PDE1C: variants seen among roughly 807,000 people sequenced by gnomAD.
PDE1C encodes phosphodiesterase 1C, also known as dual specificity calcium/calmodulin-dependent 3',5'-cyclic nucleotide phosphodiesterase 1C.
A neutral mutation model predicts 93.1 loss-of-function variants in PDE1C; 62 were observed. That is an observed-to-expected ratio of 0.67 (90% CI 0.54 to 0.82). PDE1C has a LOEUF of 0.82. Among genes scored for constraint, PDE1C ranks in the 40% least tolerant of loss-of-function variants. The probability of loss-of-function intolerance (pLI) is 0.00; values close to 1 mark genes in which losing one functional copy is unlikely to be tolerated. For synonymous variants in PDE1C, 325 were observed against 310.1 expected, an observed-to-expected ratio of 1.05 and a Z score of -0.50; for missense variants, 742 against 884.6, an observed-to-expected ratio of 0.84 and a Z score of 2.04.
intron 1 of PDE1C, among the ~76,000 whole-genome samples, chr7:32,420,116 TATATATATAC>T (rs1785367781): frequency 1.4e-4 from 4 of 29,588 alleles, no homozygotes; most frequent in African/African-American, 4.4e-4. Flanking sequence ...TATATATATA[TATATATATAC>T]ACACACACAC....
At chr7:31,710,138 GTC>G in the PDE1C span, among the ~76,000 whole-genome samples, 2 of 152,178 alleles carry the variant, frequency 1.3e-5, no homozygotes, top group African/African-American at 4.8e-5. Context: ...TACAGAGTGA[GTC>G]TCTATCTCAG....
chr7:31,977,638 C>T (rs1811836306), intron 2 of PDE1C, among the ~76,000 whole-genome samples: 1 of 152,190 alleles, frequency 6.6e-6, no homozygotes, highest in African/African-American at 2.4e-5. Context: ...ACACTAATCA[C>T]TACTATCATA....
At chr7:31,890,023 AAATCTTTCGTGAAGGT>A (rs1414531962) in intron 2 of PDE1C, among the ~76,000 whole-genome samples, 1 of 152,218 alleles carries the variant, frequency 6.6e-6, no homozygotes, top group Non-Finnish European at 1.5e-5. Flanking sequence ...TATGCTAAGA[AAATCTTTCGTGAAGGT>A]AAACATTCTC....
the PDE1C span, among the ~76,000 whole-genome samples, chr7:31,619,425 T>C: frequency 6.6e-6 from 1 of 152,228 alleles, no homozygotes; most frequent in Non-Finnish European, 1.5e-5. Context: ...CTATGTAACA[T>C]GTTCCTAACT....
intron 1 of PDE1C, among the ~76,000 whole-genome samples, chr7:32,212,637 T>C (rs1400789446): frequency 6.6e-6 from 1 of 152,144 alleles, no homozygotes; most frequent in African/African-American, 2.4e-5. Context: ...TCACACACTC[T>C]TCCTGCCTGG....
intron 3 of PDE1C, among the ~76,000 whole-genome samples, chr7:32,114,045 C>T (rs1360489754): frequency 2.0e-5 from 3 of 152,104 alleles, no homozygotes; most frequent in African/African-American, 2.4e-5. Context: ...GTGAAAATGG[C>T]CATACTATCC....
intron 1 of PDE1C, among the ~76,000 whole-genome samples, chr7:32,384,271 G>A (rs191382352): frequency 1.3e-5 from 2 of 152,306 alleles, no homozygotes; most frequent in East Asian, 3.9e-4. Context: ...TGGGGAGATG[G>A]ATATGAAAAT....
chr7:31,671,544 G>A, the PDE1C span, among the ~76,000 whole-genome samples: 3 of 152,106 alleles, frequency 2.0e-5, no homozygotes, highest in Non-Finnish European at 4.4e-5. Context: ...CTAGCTCTCA[G>A]CTGTCAGTCA....
At chr7:32,226,489 A>T (rs1329389335) in intron 1 of PDE1C, among the ~76,000 whole-genome samples, 2 of 152,190 alleles carry the variant, frequency 1.3e-5, no homozygotes, top group Non-Finnish European at 2.9e-5. Flanking sequence ...ACGGGTAATG[A>T]TTAGTATAAT....
At chr7:31,874,006 T>C (rs771882269) in intron 5 of PDE1C, among the ~76,000 whole-genome samples, 106 of 152,332 alleles carry the variant, frequency 7.0e-4, no homozygotes, top group Non-Finnish European at 1.2e-3. Flanking sequence ...ATGCATGATG[T>C]AGAACACAAA....
chr7:32,080,461 T>C (rs1796596539), intron 3 of PDE1C, among the ~76,000 whole-genome samples: 1 of 152,156 alleles, frequency 6.6e-6, no homozygotes, highest in Admixed American at 6.5e-5. Flanking sequence ...CAAACTTGAG[T>C]GTTCTACTAG....
At chr7:32,205,620 T>C (rs1338182631) in intron 2 of PDE1C, among the ~76,000 whole-genome samples, 1 of 152,116 alleles carries the variant, frequency 6.6e-6, no homozygotes, top group African/African-American at 2.4e-5. Context: ...GCCAACCCGT[T>C]TGGGTCTGCT....
chr7:31,940,097 A>G (rs1805617797), intron 2 of PDE1C, among the ~76,000 whole-genome samples: 1 of 152,184 alleles, frequency 6.6e-6, no homozygotes. Flanking sequence ...CCCCACCTGG[A>G]GAGACTGATT....
chr7:31,744,535 C>T, the PDE1C span, among the ~76,000 whole-genome samples: 1 of 152,126 alleles, frequency 6.6e-6, no homozygotes, highest in Non-Finnish European at 1.5e-5. Flanking sequence ...TGCTTGAGTA[C>T]ATCAAATTAA....
chr7:32,414,973 A>G (rs1785242987), intron 1 of PDE1C, among the ~76,000 whole-genome samples: 1 of 152,236 alleles, frequency 6.6e-6, no homozygotes. Flanking sequence ...AAATATTAAA[A>G]GGACACATGG....
chr7:32,004,976 T>C lies in PDE1C; in HGVS notation c.128+46578A>G, dbSNP rs1785997573. Among the ~76,000 whole-genome samples the C allele has an allele frequency of 2.0e-5, 3 of 152,340 alleles. No individual in the cohort carries two copies. The South Asian group carries it at 6.2e-4, about 32-fold the overall frequency. On this transcript the variant is annotated intron_variant, in intron 2 of 17. Coordinates refer to ENST00000396191, the MANE Select transcript of PDE1C (RefSeq NM_001191057.4). Reference sequence around the variant, plus strand: ...GGTAATTTATTTGATACATATTATGTGTTCATATTGGTGCTAGCTCCTATG... The same window carrying C: ...GGTAATTTATTTGATACATATTATGCGTTCATATTGGTGCTAGCTCCTATG...
chr7:31,638,055 A>G, the PDE1C span, among the ~76,000 whole-genome samples: 3 of 152,192 alleles, frequency 2.0e-5, no homozygotes, highest in Non-Finnish European at 2.9e-5. Flanking sequence ...GTTATTAAGC[A>G]GAGGGGCTCC....
chr7:31,749,537 G>A (rs918732699), downstream of PDE1C, among the ~76,000 whole-genome samples: 3 of 152,176 alleles, frequency 2.0e-5, no homozygotes, highest in South Asian at 2.1e-4. Flanking sequence ...GAGCTTCTAC[G>A]CCTTGAAAAT....
intron 7 of PDE1C, among the ~76,000 whole-genome samples, chr7:31,864,273 T>C (rs1398272473): frequency 6.6e-6 from 1 of 152,194 alleles, no homozygotes; most frequent in Non-Finnish European, 1.5e-5. Flanking sequence ...GCAGGACCAC[T>C]TGAGCCCAGG....
Sources: gnomAD v4.1 joint callset for allele counts (sites outside exome capture counted in the v4.1 genomes callset) on GRCh38, gnomAD v4.1.1 for gene constraint, MANE v1.5 for transcripts, NCBI Gene and HGNC (gene_info 2026-07-23, HGNC 2026-07-21) for gene names.